MAPT: variants seen among roughly 807,000 people sequenced by gnomAD.
The protein encoded by MAPT is microtubule associated protein tau.
In MAPT, 34 loss-of-function variants were observed where a neutral mutation model predicts 67.9. That is an observed-to-expected ratio of 0.50 (90% CI 0.38 to 0.67). MAPT has a LOEUF of 0.67. Ranked by LOEUF, MAPT falls within the 30% of genes least tolerant of loss-of-function variation. The pLI, the probability that MAPT is intolerant of heterozygous loss-of-function variation, is 0.00. For missense variants in MAPT, 881 were observed against 1,115.2 expected (o/e 0.79, Z 2.99); for synonymous variants, 456 against 464.5 (o/e 0.98, Z 0.23).
intron 1 of MAPT, among the ~76,000 whole-genome samples, chr17:45,949,880 C>T (rs1042100261): frequency 3.3e-5 from 5 of 152,138 alleles, no homozygotes; most frequent in Non-Finnish European, 5.9e-5. Flanking sequence ...GAAACAGCCC[C>T]AGATCGTGGG....
intron 9 of MAPT, among the ~76,000 whole-genome samples, chr17:46,000,465 T>C (rs2074904499): frequency 1.3e-5 from 2 of 151,696 alleles, no homozygotes; most frequent in East Asian, 3.9e-4. Context: ...CTGGGTGGGG[T>C]GCCAGGCAGG....
chr17:45,952,369 G>A (rs2069168636), intron 1 of MAPT, among the ~76,000 whole-genome samples: 1 of 152,202 alleles, frequency 6.6e-6, no homozygotes, highest in South Asian at 2.1e-4. Context: ...GGCCTGGGCT[G>A]GAGGCCTCCT....
At chr17:45,933,841 T>TA (rs1491188671) in intron 1 of MAPT, among the ~76,000 whole-genome samples, 1 of 8,942 alleles carries the variant, frequency 1.1e-4, no homozygotes, top group Admixed American at 1.7e-3. Context: ...TGTTTTCTGA[T>TA]TTTTTTTTTT....
At chr17:45,953,448 C>G (rs1430345905) in intron 1 of MAPT, among the ~76,000 whole-genome samples, 1 of 152,256 alleles carries the variant, frequency 6.6e-6, no homozygotes, top group Non-Finnish European at 1.5e-5. Context: ...GTCCATGAAC[C>G]TACGAGCATT....
intron 1 of MAPT, among the ~76,000 whole-genome samples, chr17:45,935,073 G>T (rs1052585390): frequency 6.6e-6 from 1 of 152,156 alleles, no homozygotes; most frequent in Non-Finnish European, 1.5e-5. Context: ...TCTGGGGAGG[G>T]CTGCTATATC....
chr17:45,974,195 C>T (rs1309213210), intron 3 of MAPT: 4 of 626,834 alleles, frequency 6.4e-6, no homozygotes, highest in East Asian at 5.5e-5. Context: ...AACCACTCAG[C>T]AGCATGTCAG....
At chr17:45,926,527 A>G (rs62059004) in intron 1 of MAPT, among the ~76,000 whole-genome samples, 21,813 of 152,106 alleles carry the variant, frequency 0.14, 2,136 homozygotes, top group Middle Eastern at 0.22. Context: ...TGCCCAGGCT[A>G]GTCTCAAACT....
chr17:45,969,718 A>G (rs1328308053), intron 2 of MAPT, among the ~76,000 whole-genome samples: 1 of 151,824 alleles, frequency 6.6e-6, no homozygotes, highest in Non-Finnish European at 1.5e-5. Context: ...CCATCCAATC[A>G]TACATATATC....
chr17:45,993,401 C>T (rs893063307), intron 8 of MAPT, among the ~76,000 whole-genome samples: 12 of 152,000 alleles, frequency 7.9e-5, no homozygotes, highest in Admixed American at 5.9e-4. Context: ...GGCCAGTTGA[C>T]TCACACTCTG....
At chr17:45,955,217 C>T (rs2069503508) in intron 1 of MAPT, among the ~76,000 whole-genome samples, 1 of 152,158 alleles carries the variant, frequency 6.6e-6, no homozygotes, top group South Asian at 2.1e-4. Context: ...ACCCCCATCC[C>T]CTATTTCCCA....
In MAPT at chr17:45,896,342, G is replaced by C. The variant is rs1007474407; in HGVS notation, c.-18+1656G>C. 2.0e-5 allele frequency: 3 copies of C among 152,238 alleles called. No homozygotes were observed. Among genetic ancestry groups the C allele is most frequent in the Non-Finnish European group, 4.4e-5 (3 of 68,076 alleles). The allele number at this position is 152,238 out of a possible 1,614,324, so 9.4% of individuals were successfully genotyped here. On this transcript the variant is annotated intron_variant, in intron 1 of 12. Coordinates refer to ENST00000262410, the MANE Select transcript of MAPT (RefSeq NM_001377265.1). This position sits in a 1 kb window ranked among gnomAD's most constrained non-coding sequence, Gnocchi z 5.6. ...GCCACGCCACACCAGGTTGCCCAGC[G>C]AGGGACGCTGGCTACCCATCCGGGG...
intron 9 of MAPT, among the ~76,000 whole-genome samples, chr17:46,004,767 A>T (rs1417325935): frequency 1.3e-5 from 2 of 152,022 alleles, no homozygotes; most frequent in Non-Finnish European, 2.9e-5. Context: ...TGGAAAAAAA[A>T]TTTCTTTTTT....
At chr17:45,956,573 TATATATATATATATATATATA>T (rs2069704515) in intron 1 of MAPT, among the ~76,000 whole-genome samples, 1 of 24,564 alleles carries the variant, frequency 4.1e-5, no homozygotes, top group African/African-American at 9.4e-5. Context: ...TATATATATA[TATATATATATATATATATATA>T]TATATATTTT....
intron 1 of MAPT, among the ~76,000 whole-genome samples, chr17:45,925,181 C>T (rs941158772): frequency 4.6e-5 from 7 of 152,196 alleles, no homozygotes; most frequent in Non-Finnish European, 8.8e-5. Flanking sequence ...TGTTTATTCA[C>T]GTAGCAAACC....
Position 45,991,483 on chromosome 17 carries a change from C to A in MAPT, c.1629C>A (p.Ile543=), listed in dbSNP as rs759212591. The change falls in exon 8 of 13, where the codon ATC becomes ATA. Residue 543 remains isoleucine, a synonymous_variant. Coordinates refer to ENST00000262410, the MANE Select transcript of MAPT (RefSeq NM_001377265.1). ...AGGGGGCTGATGGTAAAACGAAGAT[C>A]GCCACACCGCGGGGAGCAGCCCCTC... The part of the protein sequence containing the change: ...KLKGADGKTK[I]ATPRGAAPPG... The A allele has an allele frequency of 2.5e-6, 4 of 1,614,072 alleles. No individual in the cohort carries two copies. The African/African-American group carries it at 4.0e-5, about 16-fold the overall frequency.
chr17:45,984,330 C>T (rs62063788), intron 5 of MAPT, among the ~76,000 whole-genome samples: 22,067 of 152,190 alleles, frequency 0.14, 2,143 homozygotes, highest in Non-Finnish European at 0.22. Context: ...ATAAGCAGCC[C>T]CACTTTGCAG....
At chr17:45,975,452 C>A (rs1226912967) in intron 3 of MAPT, 1 of 152,254 alleles carries the variant, frequency 6.6e-6, no homozygotes, top group Non-Finnish European at 1.5e-5. Flanking sequence ...TCCGTGAAGT[C>A]CCCTGAGATG....
At chr17:45,965,044 A>G (rs1304684338) in intron 2 of MAPT, among the ~76,000 whole-genome samples, 1 of 152,122 alleles carries the variant, frequency 6.6e-6, no homozygotes, top group Non-Finnish European at 1.5e-5. Flanking sequence ...TTTTCCTGAC[A>G]AAGAGAGATG....
intron 5 of MAPT, 79 bp downstream of exon 5, chr17:45,984,009 C>A: frequency 8.1e-7 from 1 of 1,242,236 alleles, no homozygotes; most frequent in Non-Finnish European, 1.1e-6. Flanking sequence ...CACTGAGCTT[C>A]CAGGCCTCCC....
Sources: allele counts gnomAD v4.1 joint callset (sites outside exome capture counted in the v4.1 genomes callset), GRCh38; gene constraint gnomAD v4.1.1; non-coding constraint Gnocchi (gnomAD v3.1); transcripts MANE v1.5; gene names NCBI Gene and HGNC (gene_info 2026-07-23, HGNC 2026-07-21).